IDS: variants seen among roughly 807,000 people sequenced by gnomAD.
IDS encodes the protein iduronate 2-sulfatase.
IDS carries 1 observed loss-of-function variant against 33.5 expected under a neutral mutation model. The observed-to-expected ratio is 0.03, with a 90% CI of 0.01 to 0.14. The LOEUF (loss-of-function observed/expected upper bound fraction) is 0.14, where lower values mean the gene tolerates loss of function less well. Ranked by LOEUF, IDS falls within the 10% of genes least tolerant of loss-of-function variation. The pLI, the probability that IDS is intolerant of heterozygous loss-of-function variation, is 1.00. For synonymous variants in IDS, 191 were observed against 184.4 expected (o/e 1.04, Z -0.29); for missense variants, 328 against 448.0 (o/e 0.73, Z 2.42).
chrX:149,479,397 T>C lies in IDS; in HGVS notation c.*3349A>G, dbSNP rs1010475871. 2.7e-5 allele frequency: 3 copies of C among 112,859 alleles called. No homozygotes were observed. The highest frequency in any genetic ancestry group is 3.7e-5 in the Non-Finnish European group (2 of 53,382). 9.3% of individuals were successfully genotyped at this position (112,859 alleles called of 1,213,427 possible). A position where few individuals can be genotyped will look rare whatever the true frequency, so the allele number is the denominator to read the frequency against. On this transcript the variant is annotated 3_prime_UTR_variant, in exon 9 of 9. Transcript: ENST00000340855. The stretch of plus-strand genomic sequence containing the variant: ...TTTTGTTTTATGTTTTTTATTTGTA[T>C]GCATGTTTACTTTATGTTTCAGTTT...
intron 6 of IDS, 35 bp downstream of exon 6, chrX:149,496,311 G>A: frequency 8.5e-7 from 1 of 1,170,031 alleles, no homozygotes; most frequent in Non-Finnish European, 1.2e-6. Context: ...TATGTCATCA[G>A]TGTCCAATAC....
intron 6 of IDS, among the ~76,000 whole-genome samples, chrX:149,494,483 G>C (rs1557339094): frequency 9.0e-6 from 1 of 111,608 alleles, no homozygotes; most frequent in African/African-American, 3.3e-5. Flanking sequence ...TGAGTTAGAG[G>C]GCTGGAGCTG....
At position 149,477,204 on chromosome X, in the gene IDS, T is replaced by G. The variant is rs1282884236; in HGVS notation, c.*5542A>C. 3 of 112,375 alleles carry G rather than the reference T, an allele frequency of 2.7e-5. No homozygotes were observed. Among genetic ancestry groups the G allele is most frequent in the Non-Finnish European group, 5.6e-5 (3 of 53,262 alleles). The allele number at this position is 112,375 out of a possible 1,213,427, so 9.3% of individuals were successfully genotyped here. On this transcript the variant is annotated 3_prime_UTR_variant, in exon 9 of 9. Transcript: ENST00000340855. ...TTGTAAATGGCAGCTTCAGTCCTAC[T>G]CCAAACCTTCTCACCCATATAAATC... is the stretch of plus-strand genomic sequence containing the variant.
At chrX:149,490,860 CT>C (rs2089385153) in intron 6 of IDS, among the ~76,000 whole-genome samples, 2 of 111,960 alleles carry the variant, frequency 1.8e-5, no homozygotes, top group Non-Finnish European at 3.8e-5. Flanking sequence ...GTGGTGGTGG[CT>C]GTCAGTCCCT....
chrX:149,498,271 G>C lies in IDS; in HGVS notation c.544C>G (p.Leu182Val). ...TCCAGCACATCCACAGGGCAAAGCA[G>C]GTTGGCATGGAGTTCTCCATCTGGC... ...RGPDGELHAN[L>V]LCPVDVLDVP... The change falls in exon 5 of 9, where the codon CTG becomes GTG. Residue 182 changes from leucine (L) to valine (V), a missense_variant. Coordinates refer to ENST00000340855, the MANE Select transcript of IDS (RefSeq NM_000202.8). 8.3e-7 allele frequency: 1 copy of C among 1,211,657 alleles called. No individual in the cohort carries two copies. The highest frequency in any genetic ancestry group is 1.1e-6 in the Non-Finnish European group (1 of 895,138).
intron 8 of IDS, among the ~76,000 whole-genome samples, chrX:149,485,019 G>T (rs187680261): frequency 1.4e-3 from 159 of 111,810 alleles, no homozygotes; most frequent in Non-Finnish European, 2.5e-3. Flanking sequence ...TGTAGCACAC[G>T]TGTCAAAAAT....
intron 2 of IDS, among the ~76,000 whole-genome samples, chrX:149,503,827 C>A (rs1211460464): frequency 8.9e-6 from 1 of 112,110 alleles, no homozygotes; most frequent in Admixed American, 9.4e-5. Context: ...ACCTGAGGCC[C>A]AGCCTGCAGA....
chrX:149,492,817 G>A (rs1166983185), intron 6 of IDS, among the ~76,000 whole-genome samples: 3 of 110,491 alleles, frequency 2.7e-5, no homozygotes, highest in Admixed American at 9.6e-5. Context: ...ACAATGTGCT[G>A]AAGGATCCAG....
rs2089287946 is a variant in IDS, at chrX:149,480,093, G to C, written c.*2653C>G. 3.4e-6 allele frequency: 1 copy of C among 291,835 alleles called. No individual in the cohort carries two copies. The highest frequency in any genetic ancestry group is 5.9e-6 in the Non-Finnish European group (1 of 168,124). The allele number at this position is 291,835 out of a possible 1,213,427, so 24.1% of individuals were successfully genotyped here. A position where few individuals can be genotyped will look rare whatever the true frequency, so the allele number is the denominator to read the frequency against. On this transcript the variant is annotated 3_prime_UTR_variant, in exon 9 of 9. Coordinates refer to ENST00000340855, the MANE Select transcript of IDS (RefSeq NM_000202.8). ...GGCAAGGGAAAGGTGGGGACCAGTAGTCATACTGGTCAGCCAAGGAAAGGG... is the reference window on the plus strand; with the variant it reads ...GGCAAGGGAAAGGTGGGGACCAGTACTCATACTGGTCAGCCAAGGAAAGGG...
In IDS at chrX:149,505,226, T is replaced by C; in HGVS notation, c.-89A>G. 1 of 634,257 alleles carries C rather than the reference T, an allele frequency of 1.6e-6. No individual in the cohort carries two copies. The highest frequency in any genetic ancestry group is 3.5e-5 in the Admixed American group (1 of 28,694). The allele number at this position is 634,257 out of a possible 1,213,427, so 52.3% of individuals were successfully genotyped here. ...AGCCGCCGCCGCAGCCACAGAGACC[T>C]CCTCGTCGGGAACCCATGAAGACTG... On this transcript the variant is annotated 5_prime_UTR_variant, in exon 1 of 9. Coordinates refer to ENST00000340855, the MANE Select transcript of IDS (RefSeq NM_000202.8).
chrX:149,490,765 G>A (rs2089384571), intron 6 of IDS, among the ~76,000 whole-genome samples: 2 of 111,023 alleles, frequency 1.8e-5, no homozygotes, highest in African/African-American at 6.8e-5. Flanking sequence ...TAGCTCTGGA[G>A]GCTAGAAGTC....
chrX:149,490,363 G>A lies in IDS; in HGVS notation c.957C>T (p.Asp319=), dbSNP rs782488487. The stretch of plus-strand genomic sequence containing the variant: ...TGGTGCTGTTGGCCAGCTGAAGATC[G>A]TCCAAAGCACTCAAGAGGCGGCCGA... The part of the protein sequence containing the change: ...TQVGRLLSAL[D]DLQLANSTII... The change falls in exon 7 of 9, where the codon GAC becomes GAT. Residue 319 remains aspartate, a synonymous_variant. Coordinates refer to ENST00000340855, the MANE Select transcript of IDS (RefSeq NM_000202.8). 9.0e-5 allele frequency: 109 copies of A among 1,208,279 alleles called. No homozygotes were observed. Among genetic ancestry groups the A allele is most frequent in the Admixed American group, 1.1e-4 (5 of 45,799 alleles).
chrX:149,490,664 A>C (rs143497625), intron 6 of IDS, among the ~76,000 whole-genome samples: 1 of 112,597 alleles, frequency 8.9e-6, no homozygotes, highest in Non-Finnish European at 1.9e-5. Flanking sequence ...TACATTTCTA[A>C]GCAAATCAGA....
At chrX:149,500,631 C>G (rs782437476) in intron 4 of IDS, among the ~76,000 whole-genome samples, 53 of 111,846 alleles carry the variant, frequency 4.7e-4, no homozygotes, top group Non-Finnish European at 9.0e-4. Flanking sequence ...CTCTTTTCTC[C>G]CTCCCATGTC....
rs2089288345 is a variant in IDS, at chrX:149,480,233, C to T, written c.*2513G>A. On this transcript the variant is annotated 3_prime_UTR_variant, in exon 9 of 9. Transcript: ENST00000340855. ...ATCAAAGAGAGATTTTAGGAAGACA[C>T]GTGGATTATTTTAGGGACAGGGGAG... is the stretch of plus-strand genomic sequence containing the variant. 3 of 248,089 alleles carry T rather than the reference C, an allele frequency of 1.2e-5. No homozygotes were observed. The highest frequency in any genetic ancestry group is 3.0e-5 in the African/African-American group (1 of 33,085). The allele number at this position is 248,089 out of a possible 1,213,427, so 20.4% of individuals were successfully genotyped here.
chrX:149,484,726 ATT>A (rs1284356306), intron 8 of IDS, among the ~76,000 whole-genome samples: 1 of 112,541 alleles, frequency 8.9e-6, no homozygotes, highest in Non-Finnish European at 1.9e-5. Flanking sequence ...TGTACTTTAT[ATT>A]GATTCCTGTT....
intron 6 of IDS, among the ~76,000 whole-genome samples, chrX:149,493,520 A>G (rs1420464406): frequency 1.8e-5 from 2 of 111,528 alleles, no homozygotes; most frequent in Non-Finnish European, 3.8e-5. Context: ...GGAAAGCAGA[A>G]ACAGGCAGGG....
At chrX:149,487,381 C>G (rs41302152) in intron 7 of IDS, 2 of 808,193 alleles carry the variant, frequency 2.5e-6, no homozygotes, top group South Asian at 2.1e-5. Context: ...GCAACATATA[C>G]CTAACGTAGG....
intron 6 of IDS, chrX:149,491,403 G>A (rs1209894437): frequency 4.7e-6 from 2 of 426,139 alleles, no homozygotes; most frequent in African/African-American, 2.6e-5. Context: ...CAAATGCTAA[G>A]GACAAAAATT....
Sources: allele counts gnomAD v4.1 joint callset (sites outside exome capture counted in the v4.1 genomes callset), GRCh38; gene constraint gnomAD v4.1.1; transcripts MANE v1.5; gene names NCBI Gene and HGNC (gene_info 2026-07-23, HGNC 2026-07-21).